Variants in LRIG1 observed in about 807,000 individuals in gnomAD.
LRIG1 encodes leucine rich repeats and immunoglobulin like domains 1, also known as leucine-rich repeats and immunoglobulin-like domains protein 1.
A neutral mutation model predicts 99.2 loss-of-function variants in LRIG1; 48 were observed. That is an observed-to-expected ratio of 0.48 (90% CI 0.38 to 0.62). LRIG1 has a LOEUF of 0.62. Among genes scored for constraint, LRIG1 ranks in the 20% least tolerant of loss-of-function variants. The pLI is 0.00. For synonymous variants in LRIG1, 772 were observed against 596.1 expected (o/e 1.29, Z -4.30); for missense variants, 1,646 against 1,434.4 (o/e 1.15, Z -2.38).
chr3:66,398,073 C>T, intron 11 of LRIG1, 39 bp downstream of exon 11: 1 of 1,481,614 alleles, frequency 6.7e-7, no homozygotes, highest in Non-Finnish European at 9.4e-7. Context: ...TGAAAGTCTC[C>T]ACTACCATTA....
At chr3:66,398,439 C>T (rs570865919) in intron 10 of LRIG1, among the ~76,000 whole-genome samples, 3 of 152,196 alleles carry the variant, frequency 2.0e-5, no homozygotes, top group Non-Finnish European at 1.5e-5. Flanking sequence ...GAGTTAGAGT[C>T]AAACTTGATT....
chr3:66,436,240 G>A (rs1309813696), intron 3 of LRIG1, among the ~76,000 whole-genome samples: 1 of 152,098 alleles, frequency 6.6e-6, no homozygotes, highest in Non-Finnish European at 1.5e-5. Context: ...CCCAGAAAGT[G>A]GCAGACGCAG....
In LRIG1 at chr3:66,417,330, T is replaced by C. The variant is rs117846640; in HGVS notation, c.366-64A>G. On this transcript the variant is annotated intron_variant, in intron 3 of 18. Transcript: ENST00000273261. ...TTGCAAAGTAACTACAAGAAACTAG[T>C]ATTCCTGCACCCCACCCCCCACCAA... is the stretch of plus-strand genomic sequence containing the variant. 1.5e-3 allele frequency: 2,320 copies of C among 1,539,010 alleles called. 46 individuals carry two copies. In the East Asian group the frequency reaches 0.034, roughly 23 times the overall value.
In LRIG1 at chr3:66,500,975, G is replaced by C. The variant is rs1168328490; in HGVS notation, c.-568C>G. The C allele has an allele frequency of 6.6e-6, 1 of 152,066 alleles. No homozygotes were observed. Among genetic ancestry groups the C allele is most frequent in the Non-Finnish European group, 1.5e-5 (1 of 68,074 alleles). The allele number at this position is 152,066 out of a possible 1,614,324, so 9.4% of individuals were successfully genotyped here. ...CTCGGGTTCCGCACGGCTCCTCCGC[G>C]CAGCAAGAGTCCCGCCGACCTCGCA... On this transcript the variant is annotated 5_prime_UTR_variant, in exon 1 of 19. Transcript: ENST00000273261.
chr3:66,446,063 G>A (rs1478936453), intron 3 of LRIG1, among the ~76,000 whole-genome samples: 3 of 152,144 alleles, frequency 2.0e-5, no homozygotes, highest in Non-Finnish European at 4.4e-5. Context: ...ACACTTTAAT[G>A]CGAACTGATC....
At chr3:66,415,969 C>T (rs1206196087) in intron 4 of LRIG1, among the ~76,000 whole-genome samples, 1 of 152,154 alleles carries the variant, frequency 6.6e-6, no homozygotes, top group Non-Finnish European at 1.5e-5. Context: ...CTTTTTGTCT[C>T]TCCAGCAGAT....
chr3:66,382,333 G>C lies in LRIG1; in HGVS notation c.2557C>G (p.Gln853Glu). 5.6e-6 allele frequency: 9 copies of C among 1,614,168 alleles called. No individual in the cohort carries two copies. The highest frequency in any genetic ancestry group is 2.7e-5 in the African/African-American group (2 of 75,046). ...LSSQGTLSDR[Q>E]ETVVRTEGGP... Reference sequence around the variant, plus strand: ...CCCTCGGTCCTGACCACGGTTTCTTGTCGGTCAGAAAGGGTCCCCTGAGAA... The same window carrying C: ...CCCTCGGTCCTGACCACGGTTTCTTCTCGGTCAGAAAGGGTCCCCTGAGAA... Residue 853 changes from glutamine (Q) to glutamate (E), a missense_variant, in exon 16 of 19, where the codon CAA (glutamine) becomes GAA (glutamate). Physicochemically the swap from Gln to Glu is conservative, Grantham distance 29. Transcript: ENST00000273261.
chr3:66,444,906 T>A (rs1319791603), intron 3 of LRIG1, among the ~76,000 whole-genome samples: 1 of 151,664 alleles, frequency 6.6e-6, no homozygotes, highest in Non-Finnish European at 1.5e-5. Flanking sequence ...CATATCTGTA[T>A]CTATCTATAT....
At chr3:66,387,718 G>C (rs1701442137) in intron 12 of LRIG1, 1 of 151,966 alleles carries the variant, frequency 6.6e-6, no homozygotes, top group Non-Finnish European at 1.5e-5. Context: ...AGGGAGCCCA[G>C]ACTTAGATTC....
chr3:66,383,086 A>G lies in LRIG1; in HGVS notation c.2387T>C (p.Phe796Ser). Reference sequence around the variant, plus strand: ...GATGCTGCTCACGACAGCAATGGTGAAGATGCCTACCGTGGTCCCATCCTT... The same window carrying G: ...GATGCTGCTCACGACAGCAATGGTGGAGATGCCTACCGTGGTCCCATCCTT... ...CRKDGTTVGIFTIAVVSSIVL... is the reference protein window; with the variant it reads ...CRKDGTTVGISTIAVVSSIVL... Residue 796 changes from phenylalanine (F) to serine (S), a missense_variant, in exon 15 of 19, where the codon TTC becomes TCC. Phe to Ser is a radical substitution (Grantham distance 155). Coordinates refer to ENST00000273261, the MANE Select transcript of LRIG1 (RefSeq NM_015541.3). 1 of 1,614,226 alleles carries G rather than the reference A, an allele frequency of 6.2e-7. No individual in the cohort carries two copies. The highest frequency in any genetic ancestry group is 8.5e-7 in the Non-Finnish European group (1 of 1,180,046).
chr3:66,411,665 G>C (rs369952278), intron 6 of LRIG1, among the ~76,000 whole-genome samples: 1 of 152,184 alleles, frequency 6.6e-6, no homozygotes, highest in African/African-American at 2.4e-5. Context: ...ATGGACCTGG[G>C]CCTAGCTCGT....
At chr3:66,445,401 T>C (rs1293214156) in intron 3 of LRIG1, among the ~76,000 whole-genome samples, 1 of 152,074 alleles carries the variant, frequency 6.6e-6, no homozygotes, top group Non-Finnish European at 1.5e-5. Flanking sequence ...ATATACTTGT[T>C]TTCATATTTT....
chr3:66,382,152 A>G (rs1427955606), intron 16 of LRIG1, 121 bp downstream of exon 16: 2 of 1,144,874 alleles, frequency 1.7e-6, no homozygotes, highest in South Asian at 1.4e-5. Flanking sequence ...ACCGCCTTCT[A>G]CTTCACCAAG....
chr3:66,452,891 A>G (rs1220640809), intron 2 of LRIG1, among the ~76,000 whole-genome samples: 2 of 152,238 alleles, frequency 1.3e-5, no homozygotes, highest in African/African-American at 4.8e-5. Context: ...CATCTGGCAG[A>G]GAGAAGGCAG....
In LRIG1 at chr3:66,435,893, G is replaced by A. The variant is rs1000083929; in HGVS notation, c.365+15666C>T. On this transcript the variant is annotated intron_variant, in intron 3 of 18. Transcript: ENST00000273261. ...GGTGGAATCAGATGGAAAGTCTGGG[G>A]GAGTTCCCAGTGGAATCAGCCTTCC... Among the ~76,000 whole-genome samples the A allele has an allele frequency of 9.2e-5, 14 of 152,202 alleles. No homozygotes were observed. In the South Asian group the frequency reaches 1.0e-3, roughly 11 times the overall value.
In LRIG1 at chr3:66,383,552, A is replaced by G. The variant is rs533261907; in HGVS notation, c.2072-151T>C. ...GGCAAGCTTTGGAGAAGACCCTTCA[A>G]CTCATTGACTGAGTCATCTCCATGC... is the stretch of plus-strand genomic sequence containing the variant. On this transcript the variant is annotated intron_variant, in intron 14 of 18. Coordinates refer to ENST00000273261, the MANE Select transcript of LRIG1 (RefSeq NM_015541.3). 56 of 723,116 alleles carry G rather than the reference A, an allele frequency of 7.7e-5. No homozygotes were observed. The African/African-American group carries it at 9.0e-4, about 12-fold the overall frequency. 44.8% of individuals were successfully genotyped at this position (723,116 alleles called of 1,614,324 possible).
chr3:66,430,196 A>AC (rs1559795433), intron 3 of LRIG1, among the ~76,000 whole-genome samples: 1 of 152,056 alleles, frequency 6.6e-6, no homozygotes, highest in Non-Finnish European at 1.5e-5. Flanking sequence ...ACAACAAAAA[A>AC]AAAACACTGA....
chr3:66,500,266 C>T lies in LRIG1; in HGVS notation c.142G>A (p.Ala48Thr), dbSNP rs775840396. The change falls in exon 1 of 19, where the codon GCT becomes ACT. Residue 48 changes from alanine to threonine, a missense_variant. By Grantham distance (58) the Ala-to-Thr change is moderately conservative (BLOSUM62 0). Coordinates refer to ENST00000273261, the MANE Select transcript of LRIG1 (RefSeq NM_015541.3). ...CCACCGCAGTCCAGCGAGTCCCCAGCGCAAGTGCAGGCGGCCGCGCAGGGC... is the reference window on the plus strand; with the variant it reads ...CCACCGCAGTCCAGCGAGTCCCCAGTGCAAGTGCAGGCGGCCGCGCAGGGC... ...RAPCAAACTCAGDSLDCGGRG... is the reference protein window; with the variant it reads ...RAPCAAACTCTGDSLDCGGRG... The T allele has an allele frequency of 3.3e-6, 5 of 1,499,666 alleles. No individual in the cohort carries two copies. Among genetic ancestry groups the T allele is most frequent in the East Asian group, 2.8e-5 (1 of 36,328 alleles). 92.9% of individuals were successfully genotyped at this position (1,499,666 alleles called of 1,614,324 possible).
At chr3:66,479,623 C>T (rs1468522777) in intron 1 of LRIG1, among the ~76,000 whole-genome samples, 4 of 152,130 alleles carry the variant, frequency 2.6e-5, no homozygotes, top group East Asian at 1.9e-4. Context: ...AGTTAAAATA[C>T]GGGCAAAGAA....
Sources: gnomAD v4.1 joint callset for allele counts (sites outside exome capture counted in the v4.1 genomes callset) on GRCh38, gnomAD v4.1.1 for gene constraint, MANE v1.5 for transcripts, NCBI Gene and HGNC (gene_info 2026-07-23, HGNC 2026-07-21) for gene names.